VPS13B: variants seen among roughly 807,000 people sequenced by gnomAD.
The protein encoded by VPS13B is intermembrane lipid transfer protein VPS13B.
In VPS13B, 285 loss-of-function variants were observed where a neutral mutation model predicts 426.4. The ratio of observed to expected loss-of-function variants is 0.67; its 90% CI spans 0.61 to 0.74. The LOEUF (loss-of-function observed/expected upper bound fraction) is 0.74. Ranked by LOEUF, VPS13B falls within the 30% of genes least tolerant of loss-of-function variation. The pLI is 0.00. For synonymous variants in VPS13B, 1,676 were observed against 1,676.4 expected (o/e 1.00, Z 0.01); for missense variants, 4,537 against 4,782.6 (o/e 0.95, Z 1.51).
intron 19 of VPS13B, among the ~76,000 whole-genome samples, chr8:99,295,997 C>T (rs1382246676): frequency 2.0e-5 from 3 of 152,178 alleles, no homozygotes; most frequent in Admixed American, 6.5e-5. Context: ...TGCATCACTC[C>T]ACTCCATCCT....
At chr8:99,303,730 C>CAGAAAAAA (rs376472759) in intron 19 of VPS13B, among the ~76,000 whole-genome samples, 1 of 63,714 alleles carries the variant, frequency 1.6e-5, no homozygotes, top group African/African-American at 7.1e-5. Flanking sequence ...GACTCCGTCT[C>CAGAAAAAA]AAAAAAAAAA....
intron 40 of VPS13B, among the ~76,000 whole-genome samples, chr8:99,776,495 A>G (rs1188625274): frequency 6.6e-6 from 1 of 152,066 alleles, no homozygotes; most frequent in Non-Finnish European, 1.5e-5. Context: ...AGGTCTCACT[A>G]TGTTACCCAG....
In VPS13B at chr8:99,467,519, C is replaced by T; in HGVS notation, c.3551C>T (p.Thr1184Ile). ...GTGGAACCTATGGGTTGCACCTCCA[C>T]TCTAGCTGTCACGTCTCAAAAACTG... is the stretch of plus-strand genomic sequence containing the variant. Reference protein sequence around the residue: ...CLVEPMGCTSTLAVTSQKLLA... With the variant: ...CLVEPMGCTSILAVTSQKLLA... Residue 1184 changes from threonine to isoleucine, a missense_variant, in exon 24 of 62, where the codon ACT becomes ATT. By Grantham distance (89) the Thr-to-Ile change is moderately conservative (BLOSUM62 -1). Around this residue, in one of 2 missense-constraint regions of VPS13B, gnomAD observed 4,311 missense variants for 4,474.3 expected, o/e 0.96. Transcript: ENST00000357162. The T allele has an allele frequency of 6.2e-7, 1 of 1,613,836 alleles. No individual in the cohort carries two copies. Among genetic ancestry groups the T allele is most frequent in the Non-Finnish European group, 8.5e-7 (1 of 1,179,826 alleles).
intron 43 of VPS13B, among the ~76,000 whole-genome samples, chr8:99,788,263 T>G (rs1440166490): frequency 6.8e-6 from 1 of 147,776 alleles, no homozygotes; most frequent in African/African-American, 2.5e-5. Flanking sequence ...ACAAAAAAAT[T>G]TAAAAAGTAT....
At chr8:99,302,332 T>C (rs571150463) in intron 19 of VPS13B, among the ~76,000 whole-genome samples, 3 of 152,322 alleles carry the variant, frequency 2.0e-5, no homozygotes, top group Admixed American at 2.0e-4. Context: ...AAGTTGGAAA[T>C]ACTGTAAGTT....
chr8:99,159,328 G>A (rs1235595398), intron 15 of VPS13B, among the ~76,000 whole-genome samples: 1 of 152,218 alleles, frequency 6.6e-6, no homozygotes, highest in African/African-American at 2.4e-5. Context: ...AATGATTACA[G>A]AGAATTTAAA....
At chr8:99,023,545 A>G (rs906608662) in intron 2 of VPS13B, among the ~76,000 whole-genome samples, 2 of 151,434 alleles carry the variant, frequency 1.3e-5, no homozygotes, top group African/African-American at 4.9e-5. Context: ...CAGTGGCGCA[A>G]TCTTGGCTCA....
chr8:99,141,948 G>T (rs924983818), intron 12 of VPS13B, among the ~76,000 whole-genome samples: 1 of 151,742 alleles, frequency 6.6e-6, no homozygotes, highest in African/African-American at 2.4e-5. Context: ...AGCTACTCGG[G>T]AGGCTGAGGC....
intron 16 of VPS13B, among the ~76,000 whole-genome samples, chr8:99,187,018 A>T (rs1363308819): frequency 6.6e-6 from 1 of 152,186 alleles, no homozygotes; most frequent in Non-Finnish European, 1.5e-5. Flanking sequence ...AAAAAAAATG[A>T]ATCCCATCTA....
At chr8:99,700,847 A>T (rs925252521) in intron 36 of VPS13B, among the ~76,000 whole-genome samples, 9 of 152,202 alleles carry the variant, frequency 5.9e-5, no homozygotes, top group African/African-American at 2.2e-4. Flanking sequence ...CAGGGCCAGA[A>T]ATTTGGCTCT....
chr8:99,198,184 G>A (rs903873527), intron 17 of VPS13B, among the ~76,000 whole-genome samples: 1 of 151,986 alleles, frequency 6.6e-6, no homozygotes, highest in Non-Finnish European at 1.5e-5. Flanking sequence ...TTTGATGCCA[G>A]CCCATCTATA....
chr8:99,201,083 T>C (rs989276665), intron 17 of VPS13B, among the ~76,000 whole-genome samples: 1 of 152,122 alleles, frequency 6.6e-6, no homozygotes, highest in Non-Finnish European at 1.5e-5. Context: ...TATGACACTA[T>C]AATTTTAGAC....
chr8:99,078,649 A>G lies in VPS13B; in HGVS notation c.292-17663A>G, dbSNP rs143786997. ...TGGGCCAAACTTTGGTTGTCCAGGC[A>G]GCTTTTCTGGGTGCCAGAGGTAGAA... On this transcript the variant is annotated intron_variant, in intron 3 of 61. Coordinates refer to ENST00000357162, the MANE Select transcript of VPS13B (RefSeq NM_152564.5). 4.1e-3 allele frequency among the ~76,000 whole-genome samples: 620 copies of G among 152,236 alleles called. 4 individuals are homozygous for G. Among genetic ancestry groups the G allele is most frequent in the Non-Finnish European group, 6.5e-3 (445 of 68,018 alleles).
chr8:99,431,443 G>T (rs1817106152), intron 21 of VPS13B, 94 bp from the exon 22 acceptor site: 13 of 1,451,668 alleles, frequency 9.0e-6, no homozygotes, highest in Non-Finnish European at 1.0e-5. Context: ...ATAATTTTAA[G>T]CAAGGAAAGA....
chr8:99,643,512 C>T (rs1042562761), intron 34 of VPS13B, among the ~76,000 whole-genome samples: 1 of 152,126 alleles, frequency 6.6e-6, no homozygotes, highest in Admixed American at 6.6e-5. Context: ...GAGCTCTAGG[C>T]CAGGGTTTAG....
At chr8:99,121,770 G>A (rs933340200) in intron 8 of VPS13B, 1 of 280,790 alleles carries the variant, frequency 3.6e-6, no homozygotes, top group Non-Finnish European at 6.0e-6. Context: ...AAATTTTCCC[G>A]TGAATTCTTT....
At chr8:99,599,498 A>T (rs1289370378) in intron 33 of VPS13B, among the ~76,000 whole-genome samples, 1 of 152,124 alleles carries the variant, frequency 6.6e-6, no homozygotes, top group Admixed American at 6.6e-5. Flanking sequence ...AAAATGTGAC[A>T]AATGAGCAGG....
intron 33 of VPS13B, among the ~76,000 whole-genome samples, chr8:99,617,576 C>T (rs1359707068): frequency 6.6e-6 from 1 of 152,204 alleles, no homozygotes; most frequent in East Asian, 1.9e-4. Context: ...ATCCACTCTC[C>T]TCTGCCTCCC....
At chr8:99,846,462 T>C (rs545146531) in intron 54 of VPS13B, among the ~76,000 whole-genome samples, 3 of 152,218 alleles carry the variant, frequency 2.0e-5, no homozygotes, top group Non-Finnish European at 2.9e-5. Flanking sequence ...AGGATTTACT[T>C]TGGACTTGTG....
Sources: allele counts gnomAD v4.1 joint callset (sites outside exome capture counted in the v4.1 genomes callset), GRCh38; gene constraint gnomAD v4.1.1; regional missense constraint gnomAD v4.1.1; transcripts MANE v1.5; gene names NCBI Gene and HGNC (gene_info 2026-07-23, HGNC 2026-07-21).